The following ADAMTSL1 variants were observed in gnomAD, a reference collection of about 807,000 sequenced individuals.
ADAMTSL1 encodes ADAMTS-like protein 1.
A neutral mutation model predicts 201.8 loss-of-function variants in ADAMTSL1; 126 were observed. The ratio of observed to expected loss-of-function variants is 0.62; its 90% CI spans 0.54 to 0.72. The LOEUF is 0.72. Ranked by LOEUF, ADAMTSL1 falls within the 30% of genes least tolerant of loss-of-function variation. The probability of loss-of-function intolerance (pLI) is 0.00; values close to 1 mark genes in which losing one functional copy is unlikely to be tolerated. For synonymous variants in ADAMTSL1, 1,121 were observed against 903.4 expected, an observed-to-expected ratio of 1.24 and a Z score of -4.32; for missense variants, 2,679 against 2,277.8, an observed-to-expected ratio of 1.18 and a Z score of -3.59.
At chr9:18,898,215 C>T (rs908033577) in intron 26 of ADAMTSL1, among the ~76,000 whole-genome samples, 1 of 152,102 alleles carries the variant, frequency 6.6e-6, no homozygotes, top group African/African-American at 2.4e-5. Flanking sequence ...TAATAACAAA[C>T]TTCGCTGAGC....
Position 18,043,062 on chromosome 9 carries a change from G to C in ADAMTSL1, c.88-120800G>C, listed in dbSNP as rs550541893. Among the ~76,000 whole-genome samples the C allele has an allele frequency of 5.3e-5, 8 of 152,248 alleles. No individual in the cohort carries two copies. The East Asian group carries it at 9.6e-4, about 18-fold the overall frequency. ...AGTCATAAAACAGGAACATTTACAC[G>C]CTAGAAAACTAAGAGGCTGAAACTG... On this transcript the variant is annotated intron_variant, in intron 1 of 29. Transcript: ENST00000680146.
At chr9:18,330,516 C>T (rs746033958) in intron 2 of ADAMTSL1, among the ~76,000 whole-genome samples, 12 of 151,758 alleles carry the variant, frequency 7.9e-5, no homozygotes, top group Non-Finnish European at 1.2e-4. Context: ...TGTGGATGCC[C>T]GAGGCTGATG....
chr9:18,013,171 A>G (rs1199387032), intron 1 of ADAMTSL1, among the ~76,000 whole-genome samples: 2 of 152,056 alleles, frequency 1.3e-5, no homozygotes, highest in Non-Finnish European at 2.9e-5. Flanking sequence ...AAAAATTGTC[A>G]ATGATGATCA....
chr9:17,907,174 C>G (rs1368088618), intron 1 of ADAMTSL1, among the ~76,000 whole-genome samples: 3 of 152,174 alleles, frequency 2.0e-5, no homozygotes, highest in Admixed American at 1.3e-4. Flanking sequence ...TCGCCCTTAC[C>G]TGGGTCCTGC....
intron 23 of ADAMTSL1, among the ~76,000 whole-genome samples, chr9:18,841,450 T>G (rs892475699): frequency 1.1e-4 from 17 of 152,220 alleles, no homozygotes; most frequent in Non-Finnish European, 1.6e-4. Flanking sequence ...AGTATTTTAT[T>G]GAGGATTTTT....
chr9:18,682,024 C>T (rs1830532786), intron 12 of ADAMTSL1, 65 bp downstream of exon 12: 1 of 1,527,676 alleles, frequency 6.5e-7, no homozygotes, highest in Non-Finnish European at 8.9e-7. Context: ...GTGTTTTAAA[C>T]TCCTTGGAAT....
intron 19 of ADAMTSL1, among the ~76,000 whole-genome samples, chr9:18,786,471 T>C (rs562673953): frequency 1.6e-4 from 25 of 152,076 alleles, no homozygotes; most frequent in Non-Finnish European, 3.1e-4. Context: ...GTTTTCTTAT[T>C]AGTTAAACTA....
At chr9:18,181,851 G>A (rs570684721) in intron 2 of ADAMTSL1, among the ~76,000 whole-genome samples, 11 of 152,078 alleles carry the variant, frequency 7.2e-5, no homozygotes, top group East Asian at 1.9e-4. Flanking sequence ...TGTTTATTGC[G>A]GCATTATTCA....
At chr9:18,841,663 A>G (rs906609920) in intron 23 of ADAMTSL1, among the ~76,000 whole-genome samples, 8 of 152,050 alleles carry the variant, frequency 5.3e-5, no homozygotes, top group East Asian at 1.9e-4. Context: ...AATCCATCTG[A>G]TCCTGGACTG....
At chr9:18,145,817 A>G (rs936316838) in intron 1 of ADAMTSL1, among the ~76,000 whole-genome samples, 8 of 152,214 alleles carry the variant, frequency 5.3e-5, no homozygotes, top group Admixed American at 2.6e-4. Flanking sequence ...AGACAAGCCC[A>G]TAGAATGGGA....
chr9:18,423,465 CTCTT>C (rs1563950950), intron 2 of ADAMTSL1, among the ~76,000 whole-genome samples: 2 of 152,190 alleles, frequency 1.3e-5, no homozygotes, highest in African/African-American at 2.4e-5. Flanking sequence ...TGTACTCAGT[CTCTT>C]TCTTTGGTAT....
intron 14 of ADAMTSL1, among the ~76,000 whole-genome samples, chr9:18,710,595 T>A (rs970923428): frequency 6.6e-6 from 1 of 152,030 alleles, no homozygotes; most frequent in Non-Finnish European, 1.5e-5. Flanking sequence ...GAGAGGAGAT[T>A]ATTGGTGTCT....
chr9:18,862,036 C>T (rs1827245170), intron 23 of ADAMTSL1, among the ~76,000 whole-genome samples: 1 of 152,212 alleles, frequency 6.6e-6, no homozygotes, highest in Non-Finnish European at 1.5e-5. Context: ...ACCCCCACTG[C>T]TCACCGTGGA....
At chr9:18,103,933 T>C (rs542267826) in intron 1 of ADAMTSL1, among the ~76,000 whole-genome samples, 1 of 152,320 alleles carries the variant, frequency 6.6e-6, no homozygotes, top group East Asian at 1.9e-4. Flanking sequence ...ATATCTGTGA[T>C]GTATTAGCAT....
At chr9:18,371,470 A>T (rs551777819) in intron 2 of ADAMTSL1, among the ~76,000 whole-genome samples, 12 of 152,096 alleles carry the variant, frequency 7.9e-5, no homozygotes, top group Admixed American at 3.3e-4. Context: ...ATGGAATCTG[A>T]TATTATCTGA....
intron 2 of ADAMTSL1, among the ~76,000 whole-genome samples, chr9:18,464,621 A>T (rs2131723055): frequency 6.6e-6 from 1 of 152,378 alleles, no homozygotes; most frequent in South Asian, 2.1e-4. Context: ...CACAATAAGG[A>T]TAAAGAAAAA....
intron 2 of ADAMTSL1, among the ~76,000 whole-genome samples, chr9:18,305,011 G>A (rs201065135): frequency 2.0e-5 from 3 of 152,192 alleles, no homozygotes; most frequent in East Asian, 1.9e-4. Flanking sequence ...GGTACCAGGT[G>A]CATCTCATTG....
rs576682449 is a variant in ADAMTSL1, at chr9:18,125,240, T to C, written c.88-38622T>C. On this transcript the variant is annotated intron_variant, in intron 1 of 29. Coordinates refer to the ADAMTSL1 transcript ENST00000680146. ...GATGGCAGCAGGGAAAGAGAGAGCCTGAGCAGAGAAACTCCTGTTTTTAAA... is the reference window on the plus strand; with the variant it reads ...GATGGCAGCAGGGAAAGAGAGAGCCCGAGCAGAGAAACTCCTGTTTTTAAA... 3.8e-4 allele frequency among the ~76,000 whole-genome samples: 58 copies of C among 152,222 alleles called. No homozygotes were observed. The South Asian group carries it at 0.011, about 30-fold the overall frequency.
chr9:18,105,278 C>G (rs1481612597), intron 1 of ADAMTSL1, among the ~76,000 whole-genome samples: 1 of 152,124 alleles, frequency 6.6e-6, no homozygotes, highest in Non-Finnish European at 1.5e-5. Context: ...GACCTGATTG[C>G]TATGGATAAT....
Sources: gnomAD v4.1 joint callset for allele counts (sites outside exome capture counted in the v4.1 genomes callset) on GRCh38, gnomAD v4.1.1 for gene constraint, MANE v1.5 for transcripts, NCBI Gene and HGNC (gene_info 2026-07-23, HGNC 2026-07-21) for gene names.